The following PRICKLE1 variants were observed in gnomAD, a reference collection of about 807,000 sequenced individuals.
PRICKLE1 encodes the protein prickle planar cell polarity protein 1.
PRICKLE1 carries 14 observed loss-of-function variants against 70.2 expected under a neutral mutation model. The observed-to-expected ratio is 0.20, with a 90% CI of 0.13 to 0.31. The LOEUF (loss-of-function observed/expected upper bound fraction) is 0.31. Ranked by LOEUF, PRICKLE1 falls within the 10% of genes least tolerant of loss-of-function variation. The probability of loss-of-function intolerance (pLI) is 1.00; values close to 1 mark genes in which losing one functional copy is unlikely to be tolerated. For missense variants in PRICKLE1, 821 were observed against 1,026.2 expected (o/e 0.80, Z 2.73); for synonymous variants, 357 against 379.9 (o/e 0.94, Z 0.70).
chr12:42,563,544 AT>A (rs1167647291), intron 1 of PRICKLE1, among the ~76,000 whole-genome samples: 1 of 151,374 alleles, frequency 6.6e-6, no homozygotes, highest in African/African-American at 2.4e-5. Flanking sequence ...CTAAAAAAAA[AT>A]ACAAAAAATT....
intron 1 of PRICKLE1, among the ~76,000 whole-genome samples, chr12:42,535,039 G>A (rs73130478): frequency 0.025 from 3,867 of 152,182 alleles, 66 homozygotes; most frequent in Middle Eastern, 0.048. Context: ...ACCCACCCTC[G>A]GGTTTAGGGT....
In PRICKLE1 at chr12:42,458,105, C is replaced by T. The variant is rs775005543; in HGVS notation, c.*1704G>A. ...GTGGGACGGCTGTCCACCTACTACT[C>T]GCTGGTTTACCCATTGGACTTGTGT... is the stretch of plus-strand genomic sequence containing the variant. On this transcript the variant is annotated 3_prime_UTR_variant, in exon 8 of 8. Transcript: ENST00000345127. 1 of 152,166 alleles carries T rather than the reference C, an allele frequency of 6.6e-6. No homozygotes were observed. The highest frequency in any genetic ancestry group is 2.1e-4 in the South Asian group (1 of 4,820). The allele number at this position is 152,166 out of a possible 1,614,324, so 9.4% of individuals were successfully genotyped here. A position where few individuals can be genotyped will look rare whatever the true frequency, so the allele number is the denominator to read the frequency against.
In PRICKLE1 at chr12:42,457,416, T is replaced by A. The variant is rs191123770; in HGVS notation, c.*2393A>T. 228 of 152,340 alleles carry A rather than the reference T, an allele frequency of 1.5e-3. 2 individuals carry two copies. Among genetic ancestry groups the A allele is most frequent in the African/African-American group, 5.2e-3 (217 of 41,576 alleles). 9.4% of individuals were successfully genotyped at this position (152,340 alleles called of 1,614,324 possible). On this transcript the variant is annotated 3_prime_UTR_variant, in exon 8 of 8. Coordinates refer to ENST00000345127, the MANE Select transcript of PRICKLE1 (RefSeq NM_153026.3). ...AGTCTTTTCTAAAAGGATGCCCACT[T>A]GTGGCAGCACAGGTTCTGAAAATTT...
At chr12:42,549,401 CT>C (rs1940270754) in intron 1 of PRICKLE1, among the ~76,000 whole-genome samples, 1 of 152,162 alleles carries the variant, frequency 6.6e-6, no homozygotes, top group African/African-American at 2.4e-5. Flanking sequence ...TGTTGTTAAA[CT>C]TATCTTGACA....
At position 42,458,237 on chromosome 12, in the gene PRICKLE1, C is replaced by T. The variant is rs976505476; in HGVS notation, c.*1572G>A. On this transcript the variant is annotated 3_prime_UTR_variant, in exon 8 of 8. Coordinates refer to ENST00000345127, the MANE Select transcript of PRICKLE1 (RefSeq NM_153026.3). ...CCTACAAGTGGGGCGTGTGGACACA[C>T]GAGACAAATGGAGGTCTGTTAATGG... 3.3e-5 allele frequency: 5 copies of T among 152,148 alleles called. No homozygotes were observed. Among genetic ancestry groups the T allele is most frequent in the Admixed American group, 1.3e-4 (2 of 15,282 alleles). 9.4% of individuals were successfully genotyped at this position (152,148 alleles called of 1,614,324 possible). A position where few individuals can be genotyped will look rare whatever the true frequency, so the allele number is the denominator to read the frequency against.
intron 2 of PRICKLE1, 123 bp from the exon 3 acceptor site, chr12:42,470,482 A>G (rs1207306444): frequency 2.8e-6 from 2 of 721,566 alleles, no homozygotes; most frequent in Admixed American, 2.0e-5. Flanking sequence ...TGAGAAGACC[A>G]GCTGAGCCAA....
intron 1 of PRICKLE1, among the ~76,000 whole-genome samples, chr12:42,498,093 C>G (rs1939239362): frequency 6.8e-6 from 1 of 148,068 alleles, no homozygotes; most frequent in Non-Finnish European, 1.5e-5. Context: ...CAAGCGATCT[C>G]TAGCATCAGC....
At chr12:42,527,353 G>C (rs145099924) in intron 1 of PRICKLE1, among the ~76,000 whole-genome samples, 2 of 152,166 alleles carry the variant, frequency 1.3e-5, no homozygotes, top group African/African-American at 2.4e-5. Context: ...GGCTGGCCTT[G>C]AACTCCTAAC....
At chr12:42,556,062 T>C in intron 1 of PRICKLE1, among the ~76,000 whole-genome samples, 1 of 152,228 alleles carries the variant, frequency 6.6e-6, no homozygotes, top group East Asian at 1.9e-4. Context: ...ATACAATCCA[T>C]ATTATTTTCT....
chr12:42,489,658 A>T (rs1488525190), intron 1 of PRICKLE1: 9 of 18,018 alleles, frequency 5.0e-4, no homozygotes, highest in African/African-American at 2.2e-3. Context: ...AGACTTCTCT[A>T]AAAAAAAAAA....
intron 4 of PRICKLE1, 50 bp downstream of exon 4, chr12:42,469,400 C>T (rs767749773): frequency 6.2e-7 from 1 of 1,611,222 alleles, no homozygotes; most frequent in Admixed American, 1.7e-5. Flanking sequence ...GACTGTCCAC[C>T]CCATCCACAT....
At chr12:42,577,780 A>G (rs1940827519) in intron 1 of PRICKLE1, among the ~76,000 whole-genome samples, 1 of 152,258 alleles carries the variant, frequency 6.6e-6, no homozygotes, top group African/African-American at 2.4e-5. Context: ...TTAATATAGA[A>G]CACACATAAG....
Position 42,460,203 on chromosome 12 carries a change from A to C in PRICKLE1, c.2102T>G (p.Leu701Arg). The C allele has an allele frequency of 2.5e-6, 4 of 1,614,096 alleles. No homozygotes were observed. In the South Asian group the frequency reaches 4.4e-5, roughly 18 times the overall value. Residue 701 changes from leucine (L) to arginine (R), a missense_variant, in exon 8 of 8, where the codon CTG (leucine) becomes CGG (arginine). Coordinates refer to ENST00000345127, the MANE Select transcript of PRICKLE1 (RefSeq NM_153026.3). The part of the protein sequence containing the change: ...TERKYSPKDR[L>R]RLYTPDNYEK... ...ATAGTTATCGGGGGTGTACAGCCGC[A>C]GTCTGTCCTTGGGAGAGTATTTTCT...
At chr12:42,472,703 C>T (rs1938375268) in intron 1 of PRICKLE1, 139 bp from the exon 2 acceptor site, 2 of 659,786 alleles carry the variant, frequency 3.0e-6, no homozygotes, top group Admixed American at 5.7e-5. Context: ...TGTCACCACC[C>T]CCAGGCCCCA....
chr12:42,528,112 GCT>G (rs1939847983), intron 1 of PRICKLE1, among the ~76,000 whole-genome samples: 1 of 151,744 alleles, frequency 6.6e-6, no homozygotes. Context: ...ACAGAGTATT[GCT>G]CTGTCAGCAA....
chr12:42,496,702 T>C (rs1222898560), intron 1 of PRICKLE1, among the ~76,000 whole-genome samples: 1 of 151,968 alleles, frequency 6.6e-6, no homozygotes, highest in Non-Finnish European at 1.5e-5. Flanking sequence ...ACTTTCATGT[T>C]AGAGAGATGG....
intron 1 of PRICKLE1, among the ~76,000 whole-genome samples, chr12:42,543,824 T>C (rs1480045601): frequency 6.6e-6 from 1 of 152,028 alleles, no homozygotes; most frequent in Non-Finnish European, 1.5e-5. Context: ...CCCGGCCAAC[T>C]CCTCAAAATT....
intron 1 of PRICKLE1, among the ~76,000 whole-genome samples, chr12:42,546,147 A>G (rs555943447): frequency 6.6e-6 from 1 of 152,316 alleles, no homozygotes; most frequent in Non-Finnish European, 1.5e-5. Context: ...TCAAAGCCTG[A>G]TGCCAAGCCA....
At chr12:42,511,001 C>T (rs1428364775) in intron 1 of PRICKLE1, among the ~76,000 whole-genome samples, 1 of 152,206 alleles carries the variant, frequency 6.6e-6, no homozygotes, top group Non-Finnish European at 1.5e-5. Flanking sequence ...ACTGGCATGA[C>T]AATGGTACAA....
Sources: allele counts gnomAD v4.1 joint callset (sites outside exome capture counted in the v4.1 genomes callset), GRCh38; gene constraint gnomAD v4.1.1; transcripts MANE v1.5; gene names NCBI Gene and HGNC (gene_info 2026-07-23, HGNC 2026-07-21).